The following TBCD variants were observed in gnomAD, a reference collection of about 807,000 sequenced individuals.
The protein encoded by TBCD is tubulin folding cofactor D, also known as tubulin-specific chaperone D.
A neutral mutation model predicts 169.3 loss-of-function variants in TBCD; 105 were observed. The ratio of observed to expected loss-of-function variants is 0.62; its 90% CI spans 0.53 to 0.73. The LOEUF (loss-of-function observed/expected upper bound fraction) is 0.73, where lower values mean the gene tolerates loss of function less well. Among genes scored for constraint, TBCD ranks in the 30% least tolerant of loss-of-function variants. The probability of loss-of-function intolerance (pLI) is 0.00; values close to 1 mark genes in which losing one functional copy is unlikely to be tolerated. For synonymous variants in TBCD, 700 were observed against 643.9 expected (o/e 1.09, Z -1.32); for missense variants, 1,444 against 1,600.1 (o/e 0.90, Z 1.66).
intron 17 of TBCD, among the ~76,000 whole-genome samples, chr17:82,899,388 A>G (rs189412748): frequency 3.8e-5 from 4 of 104,278 alleles, no homozygotes; most frequent in Non-Finnish European, 6.4e-5. Flanking sequence ...TGTCCTCAGC[A>G]CGCGTGTCCT....
chr17:82,820,015 G>C (rs1196590789), intron 13 of TBCD, among the ~76,000 whole-genome samples: 5 of 147,850 alleles, frequency 3.4e-5, no homozygotes, highest in African/African-American at 1.3e-4. Flanking sequence ...GTCTTGCTCT[G>C]TTGCCCAGGC....
intron 17 of TBCD, among the ~76,000 whole-genome samples, chr17:82,896,943 C>A (rs1017264423): frequency 6.6e-6 from 1 of 151,988 alleles, no homozygotes; most frequent in African/African-American, 2.4e-5. Context: ...GTCTTTCAAG[C>A]TTGGCCATTG....
intron 15 of TBCD, among the ~76,000 whole-genome samples, chr17:82,886,789 C>A: frequency 6.7e-6 from 1 of 148,636 alleles, no homozygotes; most frequent in Non-Finnish European, 1.5e-5. Flanking sequence ...CCTGCCTCAG[C>A]CTCCCGAGTA....
intron 35 of TBCD, chr17:82,937,706 C>A: frequency 1.5e-6 from 1 of 670,582 alleles, no homozygotes; most frequent in Non-Finnish European, 2.5e-6. Flanking sequence ...TGCTCTGCGG[C>A]GCTCAGGTGG....
At position 82,806,626 on chromosome 17, in the gene TBCD, TC is replaced by T. The variant is rs1167998656; in HGVS notation, c.1087+618del. On this transcript the variant is annotated intron_variant, in intron 10 of 38. Coordinates refer to ENST00000355528, the MANE Select transcript of TBCD (RefSeq NM_005993.5). The surrounding 1 kb of genome is among the most constrained non-coding windows in gnomAD (Gnocchi z 5.1). ...TCCCCTCCCTGTGAGGCCCCCATCC[TC>T]CCAGTATCTCCCAGCTTCCTGATGG... Among the ~76,000 whole-genome samples, 2 of 151,956 alleles carry T rather than the reference TC, an allele frequency of 1.3e-5. No individual in the cohort carries two copies. The highest frequency in any genetic ancestry group is 4.8e-5 in the African/African-American group (2 of 41,370).
At chr17:82,767,994 C>T (rs564609195) in intron 4 of TBCD, among the ~76,000 whole-genome samples, 6 of 151,310 alleles carry the variant, frequency 4.0e-5, no homozygotes, top group Non-Finnish European at 5.9e-5. Context: ...GTGATCCGCT[C>T]GTCTCGGCCT....
At chr17:82,887,789 C>T (rs1197808980) in intron 15 of TBCD, among the ~76,000 whole-genome samples, 1 of 152,208 alleles carries the variant, frequency 6.6e-6, no homozygotes, top group Non-Finnish European at 1.5e-5. Context: ...GCCTTTTTGA[C>T]AGGCATGTGG....
intron 2 of TBCD, 117 bp downstream of exon 2, chr17:82,756,332 T>C: frequency 9.3e-7 from 1 of 1,077,836 alleles, no homozygotes; most frequent in Non-Finnish European, 1.4e-6. Context: ...GAAGTGTCCC[T>C]GTCTTGCTTG....
At position 82,833,431 on chromosome 17, in the gene TBCD, C is replaced by T. The variant is rs2145303661; in HGVS notation, c.1318+18497C>T. Among the ~76,000 whole-genome samples, 1 of 152,350 alleles carries T rather than the reference C, an allele frequency of 6.6e-6. No homozygotes were observed. ...CATTCGAACACAAGACTCTACCCTA[C>T]TGCTTCTAAAGTCAGCTTTATCATT... is the stretch of plus-strand genomic sequence containing the variant. On this transcript the variant is annotated intron_variant, in intron 13 of 38. Coordinates refer to ENST00000355528, the MANE Select transcript of TBCD (RefSeq NM_005993.5). The surrounding 1 kb of genome is among the most constrained non-coding windows in gnomAD (Gnocchi z 4.7).
At chr17:82,911,636 C>T in intron 22 of TBCD, 122 bp from the exon 23 acceptor site, 1 of 962,056 alleles carries the variant, frequency 1.0e-6, no homozygotes, top group Non-Finnish European at 1.6e-6. Context: ...TGCTCAGTAA[C>T]ACATTCAACT....
rs980610386 is a variant in TBCD, at chr17:82,903,334, T to C, written c.1731-71T>C. 1.4e-6 allele frequency: 2 copies of C among 1,447,176 alleles called. No individual in the cohort carries two copies. Among genetic ancestry groups the C allele is most frequent in the African/African-American group, 2.8e-5 (2 of 70,994 alleles). The allele number at this position is 1,447,176 out of a possible 1,614,324, so 89.6% of individuals were successfully genotyped here. A position where few individuals can be genotyped will look rare whatever the true frequency, so the allele number is the denominator to read the frequency against. ...GACTCGTGTGTTGTCTCCCTCACTT[T>C]CTTTTTATGAATTGAATAAAGCTAG... On this transcript the variant is annotated intron_variant, in intron 18 of 38. Coordinates refer to ENST00000355528, the MANE Select transcript of TBCD (RefSeq NM_005993.5). The surrounding 1 kb of genome is among the most constrained non-coding windows in gnomAD (Gnocchi z 4.8).
chr17:82,920,481 G>A lies in TBCD; in HGVS notation c.2039-75G>A. The A allele has an allele frequency of 2.3e-6, 3 of 1,322,278 alleles. No homozygotes were observed. The South Asian group carries it at 3.9e-5, about 17-fold the overall frequency. The allele number at this position is 1,322,278 out of a possible 1,614,324, so 81.9% of individuals were successfully genotyped here. A position where few individuals can be genotyped will look rare whatever the true frequency, so the allele number is the denominator to read the frequency against. On this transcript the variant is annotated intron_variant, in intron 23 of 38. Coordinates refer to ENST00000355528, the MANE Select transcript of TBCD (RefSeq NM_005993.5). This position sits in a 1 kb window ranked among gnomAD's most constrained non-coding sequence, Gnocchi z 4.1. ...GCTGGCCGCACACAACTCAGAATGT[G>A]GCAAAGGCAAGCCGCTGTGGCAGGC... is the stretch of plus-strand genomic sequence containing the variant.
intron 13 of TBCD, among the ~76,000 whole-genome samples, chr17:82,844,595 T>C (rs1224590614): frequency 6.6e-6 from 1 of 152,154 alleles, no homozygotes; most frequent in Non-Finnish European, 1.5e-5. Flanking sequence ...AGGCATTTCC[T>C]GCTGTCCCTG....
chr17:82,829,831 G>C (rs181528678), intron 13 of TBCD: 30 of 377,286 alleles, frequency 8.0e-5, no homozygotes, highest in African/African-American at 5.7e-4. Context: ...TTGTTGTAAT[G>C]GTGAGATATT....
chr17:82,761,005 G>C (rs1024638528), intron 2 of TBCD, among the ~76,000 whole-genome samples: 3 of 151,920 alleles, frequency 2.0e-5, no homozygotes. Flanking sequence ...TGTCACCCAG[G>C]CTGGAGTGTA....
Position 82,883,934 on chromosome 17 carries a change from C to G in TBCD, c.1476-211C>G, listed in dbSNP as rs562774252. Among the ~76,000 whole-genome samples, 45 of 151,952 alleles carry G rather than the reference C, an allele frequency of 3.0e-4. 1 individual carries two copies. Among genetic ancestry groups the G allele is most frequent in the African/African-American group, 1.1e-3 (45 of 41,298 alleles). The stretch of plus-strand genomic sequence containing the variant: ...TGGCTCTCGTTAGAACCAGGGTCGG[C>G]CACCCCCAGCTCCCACATGGCGTCT... On this transcript the variant is annotated intron_variant, in intron 14 of 38. Coordinates refer to ENST00000355528, the MANE Select transcript of TBCD (RefSeq NM_005993.5).
chr17:82,771,484 T>A (rs531777673), intron 5 of TBCD, among the ~76,000 whole-genome samples: 100 of 151,850 alleles, frequency 6.6e-4, no homozygotes, highest in Non-Finnish European at 1.2e-3. Flanking sequence ...AGTGGTCTAA[T>A]CTCAACTCAC....
At position 82,923,818 on chromosome 17, in the gene TBCD, G is replaced by T; in HGVS notation, c.2260+85G>T. On this transcript the variant is annotated intron_variant, in intron 26 of 38. Transcript: ENST00000355528. The surrounding 1 kb of genome is among the most constrained non-coding windows in gnomAD (Gnocchi z 4.6). ...AGTGTCTGGGCACGGAGGAGGCCTC[G>T]GTTGTGCAGTGGAGCAGAGCCACCA... 8.6e-7 allele frequency: 1 copy of T among 1,159,812 alleles called. No individual in the cohort carries two copies. The highest frequency in any genetic ancestry group is 1.2e-6 in the Non-Finnish European group (1 of 814,972). 71.8% of individuals were successfully genotyped at this position (1,159,812 alleles called of 1,614,324 possible). A position where few individuals can be genotyped will look rare whatever the true frequency, so the allele number is the denominator to read the frequency against.
rs372560471 is a variant in TBCD at position 82,870,313 on chromosome 17, G to A, written c.1408G>A (p.Val470Met). 18 of 1,613,596 alleles carry A rather than the reference G, an allele frequency of 1.1e-5. No individual in the cohort carries two copies. The South Asian group carries it at 1.3e-4, about 12-fold the overall frequency. The change falls in exon 14 of 39, where the codon GTG becomes ATG. Residue 470 changes from valine to methionine, a missense_variant. By Grantham distance (21) the Val-to-Met change is conservative. Transcript: ENST00000355528. Reference sequence around the variant, plus strand: ...CAACGTCAGGGACGCCGCCTGCTACGTGTGCTGGGCCTTCGCGCGTGCCTA... The same window carrying A: ...CAACGTCAGGGACGCCGCCTGCTACATGTGCTGGGCCTTCGCGCGTGCCTA... ...GTNVRDAACY[V>M]CWAFARAYEP...
Sources: gnomAD v4.1 joint callset for allele counts (sites outside exome capture counted in the v4.1 genomes callset) on GRCh38, gnomAD v4.1.1 for gene constraint, Gnocchi (gnomAD v3.1) non-coding constraint, MANE v1.5 for transcripts, NCBI Gene and HGNC (gene_info 2026-07-23, HGNC 2026-07-21) for gene names.